The following SLC9A9 variants were observed in gnomAD, a reference collection of about 807,000 sequenced individuals.
SLC9A9 encodes the protein solute carrier family 9 member A9.
A neutral mutation model predicts 77.8 loss-of-function variants in SLC9A9; 62 were observed. The ratio of observed to expected loss-of-function variants is 0.80; its 90% CI spans 0.65 to 0.98. The LOEUF is 0.98. Ranked by LOEUF, SLC9A9 falls within the 50% of genes least tolerant of loss-of-function variation. The probability of loss-of-function intolerance (pLI) is 0.00; values close to 1 mark genes in which losing one functional copy is unlikely to be tolerated. For synonymous variants in SLC9A9, 320 were observed against 283.5 expected, an observed-to-expected ratio of 1.13 and a Z score of -1.29; for missense variants, 775 against 774.9, an observed-to-expected ratio of 1.00 and a Z score of 0.00.
intron 9 of SLC9A9, among the ~76,000 whole-genome samples, chr3:143,521,268 C>A (rs4839639): frequency 6.6e-6 from 1 of 151,968 alleles, no homozygotes; most frequent in Non-Finnish European, 1.5e-5. Context: ...CTTATTGAGT[C>A]AAGATAGCAG....
intron 2 of SLC9A9, among the ~76,000 whole-genome samples, chr3:143,824,987 C>T (rs1185656991): frequency 6.6e-6 from 1 of 152,192 alleles, no homozygotes; most frequent in Non-Finnish European, 1.5e-5. Context: ...AACCATCTCA[C>T]GTGGTAGGAG....
chr3:143,394,629 G>C (rs1244617588), intron 12 of SLC9A9, among the ~76,000 whole-genome samples: 1 of 152,138 alleles, frequency 6.6e-6, no homozygotes, highest in African/African-American at 2.4e-5. Flanking sequence ...AGGAAATAAA[G>C]GGTATTCAAT....
intron 4 of SLC9A9, among the ~76,000 whole-genome samples, chr3:143,695,882 AT>A (rs1302222488): frequency 6.6e-6 from 1 of 151,858 alleles, no homozygotes; most frequent in Non-Finnish European, 1.5e-5. Context: ...TGTGGTTTTG[AT>A]TTTCATTTCT....
chr3:143,691,170 C>T (rs1933450655), intron 5 of SLC9A9, among the ~76,000 whole-genome samples: 1 of 152,114 alleles, frequency 6.6e-6, no homozygotes, highest in Admixed American at 6.6e-5. Flanking sequence ...CCTCCCACCT[C>T]AGCCTCCCAA....
At chr3:143,469,186 C>A (rs2035335760) in intron 11 of SLC9A9, among the ~76,000 whole-genome samples, 1 of 151,774 alleles carries the variant, frequency 6.6e-6, no homozygotes, top group Non-Finnish European at 1.5e-5. Context: ...AAACAAAAAA[C>A]AAATACTAGA....
At position 143,560,322 on chromosome 3, in the gene SLC9A9, C is replaced by T. The variant is rs180794645; in HGVS notation, c.1001-7872G>A. ...TCAACTCACCCTTGCTAAGAGTTGG[C>T]TCTGACCTTGTATGTCCCCAAAAGA... On this transcript the variant is annotated intron_variant, in intron 8 of 15. Transcript: ENST00000316549. Among the ~76,000 whole-genome samples the T allele has an allele frequency of 1.7e-3, 254 of 152,292 alleles. 1 individual carries two copies. The highest frequency in any genetic ancestry group is 2.7e-3 in the Non-Finnish European group (183 of 68,024).
intron 8 of SLC9A9, among the ~76,000 whole-genome samples, chr3:143,558,715 C>T (rs2037029997): frequency 6.6e-6 from 1 of 152,116 alleles, no homozygotes; most frequent in South Asian, 2.1e-4. Context: ...ATTTTACAGG[C>T]TCATAGGCAG....
intron 6 of SLC9A9, among the ~76,000 whole-genome samples, chr3:143,633,322 T>C (rs143308743): frequency 6.6e-6 from 1 of 152,242 alleles, no homozygotes; most frequent in East Asian, 1.9e-4. Flanking sequence ...ATTAAGGCTA[T>C]GTAAAAGTAT....
chr3:143,570,868 G>A (rs1040946035), intron 8 of SLC9A9, among the ~76,000 whole-genome samples: 1 of 152,046 alleles, frequency 6.6e-6, no homozygotes, highest in South Asian at 2.1e-4. Context: ...AAGAATATAA[G>A]TGATTCTAAA....
chr3:143,603,870 T>C (rs1576604522), intron 6 of SLC9A9, among the ~76,000 whole-genome samples: 2 of 152,374 alleles, frequency 1.3e-5, no homozygotes, highest in Middle Eastern at 3.4e-3. Context: ...TAGGGGTCAC[T>C]GTTTTACTTT....
chr3:143,649,678 T>C (rs1438275152), intron 6 of SLC9A9, among the ~76,000 whole-genome samples: 1 of 152,166 alleles, frequency 6.6e-6, no homozygotes, highest in Non-Finnish European at 1.5e-5. Flanking sequence ...AAAAAGTTGG[T>C]TCTTAAGCAA....
chr3:143,603,729 A>G (rs1486564046), intron 6 of SLC9A9, among the ~76,000 whole-genome samples: 1 of 152,216 alleles, frequency 6.6e-6, no homozygotes, highest in Non-Finnish European at 1.5e-5. Context: ...TGTTTGCTAT[A>G]TTAGGCAGCA....
intron 4 of SLC9A9, among the ~76,000 whole-genome samples, chr3:143,731,052 G>A (rs1035379228): frequency 6.6e-6 from 1 of 152,140 alleles, no homozygotes; most frequent in African/African-American, 2.4e-5. Flanking sequence ...AGCCTCCAGA[G>A]ACTAAAGGGC....
intron 8 of SLC9A9, among the ~76,000 whole-genome samples, chr3:143,561,275 T>A (rs2037080236): frequency 6.6e-6 from 1 of 152,186 alleles, no homozygotes; most frequent in Admixed American, 6.5e-5. Flanking sequence ...TTATACCACA[T>A]ACCCTATCAA....
At chr3:143,698,626 T>C (rs961514528) in intron 4 of SLC9A9, among the ~76,000 whole-genome samples, 4 of 152,270 alleles carry the variant, frequency 2.6e-5, no homozygotes, top group Non-Finnish European at 4.4e-5. Flanking sequence ...CCAGAAGTTT[T>C]AATTGTTTGG....
chr3:143,746,355 T>G (rs1032535121), intron 4 of SLC9A9, among the ~76,000 whole-genome samples: 4 of 152,194 alleles, frequency 2.6e-5, no homozygotes, highest in African/African-American at 9.6e-5. Context: ...TAGGTTCTCT[T>G]TTTTTCTCCA....
chr3:143,383,357 C>T (rs2033347915), intron 12 of SLC9A9, among the ~76,000 whole-genome samples: 1 of 152,192 alleles, frequency 6.6e-6, no homozygotes, highest in African/African-American at 2.4e-5. Flanking sequence ...CTGCAGCCCA[C>T]ACAAATGTAT....
chr3:143,454,354 T>C (rs952383917), intron 12 of SLC9A9, among the ~76,000 whole-genome samples: 5 of 152,206 alleles, frequency 3.3e-5, no homozygotes, highest in African/African-American at 1.2e-4. Context: ...TCATGATTTT[T>C]TCTTTTATGG....
intron 6 of SLC9A9, among the ~76,000 whole-genome samples, chr3:143,621,464 C>T (rs574571159): frequency 3.7e-4 from 56 of 150,852 alleles, no homozygotes; most frequent in Admixed American, 2.0e-3. Context: ...TACCAATATC[C>T]GCTGTTCTGC....
Sources: gnomAD v4.1 joint callset for allele counts (sites outside exome capture counted in the v4.1 genomes callset) on GRCh38, gnomAD v4.1.1 for gene constraint, MANE v1.5 for transcripts, NCBI Gene and HGNC (gene_info 2026-07-23, HGNC 2026-07-21) for gene names.